KDM4C: variants seen among roughly 807,000 people sequenced by gnomAD.
The protein encoded by KDM4C is lysine-specific demethylase 4C.
Under a neutral mutation model 129.3 loss-of-function variants are expected in KDM4C, and 81 were observed. The ratio of observed to expected loss-of-function variants is 0.63; its 90% CI spans 0.52 to 0.75. KDM4C has a LOEUF of 0.75. Ranked by LOEUF, KDM4C falls within the 30% of genes least tolerant of loss-of-function variation. The pLI, the probability that KDM4C is intolerant of heterozygous loss-of-function variation, is 0.00. For synonymous variants in KDM4C, 573 were observed against 456.1 expected (o/e 1.26, Z -3.26); for missense variants, 1,457 against 1,304.0 (o/e 1.12, Z -1.81).
chr9:6,853,349 G>C (rs1398606382), intron 5 of KDM4C, among the ~76,000 whole-genome samples: 1 of 152,028 alleles, frequency 6.6e-6, no homozygotes, highest in Non-Finnish European at 1.5e-5. Flanking sequence ...AAAATTAGCC[G>C]GTCATAGTGG....
intron 17 of KDM4C, among the ~76,000 whole-genome samples, chr9:7,082,686 G>A (rs1212172644): frequency 6.6e-6 from 1 of 152,130 alleles, no homozygotes; most frequent in Admixed American, 6.5e-5. Flanking sequence ...GTTGTCACGC[G>A]TGGCTCCAAA....
intron 11 of KDM4C, 94 bp from the exon 12 acceptor site, chr9:6,990,322 T>G (rs1818495617): frequency 1.5e-5 from 12 of 820,206 alleles, no homozygotes; most frequent in Non-Finnish European, 2.0e-6. Context: ...TTCTTCAACA[T>G]TAAGTGATAA....
At chr9:6,806,487 T>G (rs1829982447) in intron 3 of KDM4C, among the ~76,000 whole-genome samples, 1 of 148,720 alleles carries the variant, frequency 6.7e-6, no homozygotes, top group Admixed American at 6.8e-5. Context: ...AGAGTGAAAC[T>G]CCGTCTCGAA....
intron 18 of KDM4C, among the ~76,000 whole-genome samples, chr9:7,106,712 C>T (rs926719757): frequency 6.6e-6 from 1 of 151,992 alleles, no homozygotes; most frequent in African/African-American, 2.4e-5. Flanking sequence ...ACAGGCTGGT[C>T]TCAAACTCTT....
chr9:6,946,093 T>A (rs779626867), intron 8 of KDM4C, among the ~76,000 whole-genome samples: 1 of 152,156 alleles, frequency 6.6e-6, no homozygotes, highest in Non-Finnish European at 1.5e-5. Context: ...ATGAGAATGA[T>A]CCTATGGTAT....
Position 6,864,272 on chromosome 9 carries a change from T to A in KDM4C, c.629+14572T>A, listed in dbSNP as rs926956091. On this transcript the variant is annotated intron_variant, in intron 5 of 21. Coordinates refer to ENST00000381309, the MANE Select transcript of KDM4C (RefSeq NM_015061.6). ...TGTTTGAAGGACAGCTTTGCTGGTT[T>A]CAGTATTCTTGGATGACAATCCCCA... 3.3e-5 allele frequency among the ~76,000 whole-genome samples: 5 copies of A among 152,198 alleles called. 1 individual carries two copies. Among genetic ancestry groups the A allele is most frequent in the Admixed American group, 1.3e-4 (2 of 15,278 alleles).
intron 19 of KDM4C, among the ~76,000 whole-genome samples, chr9:7,161,381 T>G (rs1238972182): frequency 6.6e-6 from 1 of 152,186 alleles, no homozygotes. Context: ...GTATCTCAGT[T>G]GGAAATGCAG....
At chr9:6,812,232 C>CAA (rs113265335) in intron 3 of KDM4C, among the ~76,000 whole-genome samples, 7 of 96,290 alleles carry the variant, frequency 7.3e-5, no homozygotes, top group African/African-American at 1.2e-4. Flanking sequence ...ACAAGACTCT[C>CAA]AAAAAAAAAA....
chr9:7,075,456 G>C (rs1833794554), intron 17 of KDM4C, among the ~76,000 whole-genome samples: 1 of 152,102 alleles, frequency 6.6e-6, no homozygotes, highest in African/African-American at 2.4e-5. Context: ...TTCTGTATGG[G>C]TTAAGTCCTC....
intron 8 of KDM4C, among the ~76,000 whole-genome samples, chr9:6,903,277 T>TC: frequency 6.6e-6 from 1 of 152,228 alleles, no homozygotes; most frequent in Non-Finnish European, 1.5e-5. Context: ...TTTTGTTGAT[T>TC]ATTGAAATAG....
At position 6,805,744 on chromosome 9, in the gene KDM4C, A is replaced by G. The variant is rs750555539; in HGVS notation, c.290A>G (p.Lys97Arg). The G allele has an allele frequency of 8.1e-6, 13 of 1,613,426 alleles. No homozygotes were observed. Among genetic ancestry groups the G allele is most frequent in the Non-Finnish European group, 9.3e-6 (11 of 1,179,898 alleles). The stretch of plus-strand genomic sequence containing the variant: ...ATCCAGAAAAAAGCGATGACTGTGA[A>G]GGAGTTCAGGCAGCTGGCCAACAGT... Reference protein sequence around the residue: ...YNIQKKAMTVKEFRQLANSGK... With the variant: ...YNIQKKAMTVREFRQLANSGK... Residue 97 changes from lysine to arginine, a missense_variant, in exon 3 of 22, where the codon AAG (lysine) becomes AGG (arginine). Coordinates refer to ENST00000381309, the MANE Select transcript of KDM4C (RefSeq NM_015061.6).
chr9:6,722,461 T>A (rs1386484066), intron 1 of KDM4C, among the ~76,000 whole-genome samples: 2 of 151,952 alleles, frequency 1.3e-5, no homozygotes, highest in Non-Finnish European at 2.9e-5. Flanking sequence ...GCAGATCTGT[T>A]GAGCTCAGGA....
intron 8 of KDM4C, chr9:6,941,920 A>T (rs1826019815): frequency 6.6e-6 from 1 of 152,162 alleles, no homozygotes; most frequent in Non-Finnish European, 1.5e-5. Context: ...ACAGTGTCTT[A>T]GAAATATTTG....
intron 17 of KDM4C, chr9:7,077,078 C>T (rs1330614844): frequency 6.1e-6 from 6 of 985,372 alleles, no homozygotes; most frequent in Admixed American, 6.2e-5. Flanking sequence ...AACTATCACT[C>T]ATTCATCAAA....
chr9:6,799,836 AAT>A (rs1334019711), intron 2 of KDM4C, among the ~76,000 whole-genome samples: 2 of 152,042 alleles, frequency 1.3e-5, no homozygotes, highest in Non-Finnish European at 2.9e-5. Flanking sequence ...CTCCCCTTTC[AAT>A]ATGTCATCAA....
At chr9:7,072,407 A>C (rs1220185232) in intron 17 of KDM4C, among the ~76,000 whole-genome samples, 2 of 152,208 alleles carry the variant, frequency 1.3e-5, no homozygotes, top group Non-Finnish European at 2.9e-5. Context: ...TTCTCAAAAC[A>C]TGGTACCTTC....
intron 8 of KDM4C, among the ~76,000 whole-genome samples, chr9:6,931,881 A>G (rs1813861235): frequency 6.6e-6 from 1 of 152,230 alleles, no homozygotes; most frequent in Admixed American, 6.5e-5. Flanking sequence ...ATATCAACCT[A>G]TTAGAGAATT....
chr9:7,158,634 C>T (rs1181556607), intron 19 of KDM4C, among the ~76,000 whole-genome samples: 3 of 152,104 alleles, frequency 2.0e-5, no homozygotes, highest in Admixed American at 6.5e-5. Flanking sequence ...GTTCAGTTTC[C>T]ATGTAGTTGA....
chr9:6,830,016 C>T (rs1408439907), intron 4 of KDM4C, among the ~76,000 whole-genome samples: 1 of 152,110 alleles, frequency 6.6e-6, no homozygotes, highest in African/African-American at 2.4e-5. Context: ...TACAACTTCT[C>T]CTAGAATCTG....
Sources: gnomAD v4.1 joint callset for allele counts (sites outside exome capture counted in the v4.1 genomes callset) on GRCh38, gnomAD v4.1.1 for gene constraint, MANE v1.5 for transcripts, NCBI Gene and HGNC (gene_info 2026-07-23, HGNC 2026-07-21) for gene names.